RBMS3: variants seen among roughly 807,000 people sequenced by gnomAD.
The protein encoded by RBMS3 is RNA-binding motif, single-stranded-interacting protein 3.
A neutral mutation model predicts 66.8 loss-of-function variants in RBMS3; 27 were observed. The observed-to-expected ratio is 0.40, with a 90% CI of 0.30 to 0.56. The LOEUF (loss-of-function observed/expected upper bound fraction) is 0.56. Ranked by LOEUF, RBMS3 falls within the 20% of genes least tolerant of loss-of-function variation. The pLI is 0.40. For missense variants in RBMS3, 513 were observed against 549.5 expected (o/e 0.93, Z 0.66); for synonymous variants, 188 against 183.0 (o/e 1.03, Z -0.22).
rs181845817 is a variant in RBMS3, at chr3:29,585,005, G to A, written c.308-2109G>A. 2.2e-4 allele frequency among the ~76,000 whole-genome samples: 33 copies of A among 152,190 alleles called. No individual in the cohort carries two copies. In the South Asian group the frequency reaches 3.7e-3, roughly 17 times the overall value. ...TGTCATTTACTTTCAAGGAAGATCT[G>A]CAATTTTGTAATTATATATTCATTT... On this transcript the variant is annotated intron_variant, in intron 3 of 14. Transcript: ENST00000383767.
Position 29,456,465 on chromosome 3 carries a change from G to A in RBMS3, c.248+21550G>A, listed in dbSNP as rs371492871. Among the ~76,000 whole-genome samples, 44 of 152,212 alleles carry A rather than the reference G, an allele frequency of 2.9e-4. No homozygotes were observed. The East Asian group carries it at 6.6e-3, about 23-fold the overall frequency. Reference sequence around the variant, plus strand: ...TTGGCTCAGAATAGAATATGGATACGCATCTTAGTGATGATAATTCACTCC... The same window carrying A: ...TTGGCTCAGAATAGAATATGGATACACATCTTAGTGATGATAATTCACTCC... On this transcript the variant is annotated intron_variant, in intron 2 of 14. Coordinates refer to ENST00000383767, the MANE Select transcript of RBMS3 (RefSeq NM_001003793.3).
At chr3:29,554,218 G>C (rs184413446) in intron 3 of RBMS3, among the ~76,000 whole-genome samples, 1 of 152,168 alleles carries the variant, frequency 6.6e-6, no homozygotes, top group East Asian at 1.9e-4. Context: ...ATTTTCATGT[G>C]ACTAATTTTT....
At chr3:29,337,455 A>G (rs1216480629) in intron 1 of RBMS3, among the ~76,000 whole-genome samples, 1 of 152,046 alleles carries the variant, frequency 6.6e-6, no homozygotes, top group Non-Finnish European at 1.5e-5. Flanking sequence ...CCTAGACAAC[A>G]TAATGAGACC....
intron 4 of RBMS3, among the ~76,000 whole-genome samples, chr3:29,709,534 A>AT (rs1453008294): frequency 2.0e-5 from 3 of 152,128 alleles, no homozygotes; most frequent in African/African-American, 7.2e-5. Flanking sequence ...GGCCTTATGA[A>AT]TTTTTGTCTT....
intron 6 of RBMS3, among the ~76,000 whole-genome samples, chr3:29,789,264 TA>T (rs1183227681): frequency 6.6e-6 from 1 of 152,088 alleles, no homozygotes; most frequent in Non-Finnish European, 1.5e-5. Flanking sequence ...TTATCCTTTT[TA>T]AAAATCTGAA....
chr3:29,588,160 T>C (rs1402058636), intron 4 of RBMS3, among the ~76,000 whole-genome samples: 1 of 152,072 alleles, frequency 6.6e-6, no homozygotes, highest in African/African-American at 2.4e-5. Context: ...GTTTATAACA[T>C]GGATGCTTAT....
At chr3:29,892,262 G>A (rs1384508469) in intron 8 of RBMS3, among the ~76,000 whole-genome samples, 4 of 151,474 alleles carry the variant, frequency 2.6e-5, no homozygotes, top group Admixed American at 1.3e-4. Context: ...CTTAGTTAAC[G>A]TCTCTTAGCC....
intron 2 of RBMS3, among the ~76,000 whole-genome samples, chr3:29,471,885 TA>T (rs1046412273): frequency 6.6e-6 from 1 of 152,092 alleles, no homozygotes; most frequent in Non-Finnish European, 1.5e-5. Flanking sequence ...CAGATGGTTC[TA>T]AATTTAAAAA....
intron 10 of RBMS3, among the ~76,000 whole-genome samples, chr3:29,900,907 C>A (rs1257505131): frequency 6.6e-6 from 1 of 151,690 alleles, no homozygotes; most frequent in African/African-American, 2.4e-5. Flanking sequence ...ACGCAGACAT[C>A]CATTTCCTGA....
chr3:29,303,920 T>C (rs7615875), intron 1 of RBMS3, among the ~76,000 whole-genome samples: 24,279 of 151,504 alleles, frequency 0.16, 2,388 homozygotes, highest in South Asian at 0.23. Context: ...AAGAGAAAAA[T>C]GAGGAAGATG....
intron 4 of RBMS3, among the ~76,000 whole-genome samples, chr3:29,723,057 C>A (rs1380236047): frequency 1.3e-5 from 2 of 152,010 alleles, no homozygotes; most frequent in Non-Finnish European, 2.9e-5. Flanking sequence ...CTCACTGCAA[C>A]CTCCGCCTCC....
intron 3 of RBMS3, among the ~76,000 whole-genome samples, chr3:29,507,397 C>G (rs539049809): frequency 6.6e-6 from 1 of 152,044 alleles, no homozygotes; most frequent in African/African-American, 2.4e-5. Flanking sequence ...AATGGCTAAA[C>G]TCTGGTTAAA....
intron 1 of RBMS3, among the ~76,000 whole-genome samples, chr3:29,382,186 G>A (rs946297941): frequency 1.3e-5 from 2 of 152,124 alleles, no homozygotes; most frequent in Non-Finnish European, 2.9e-5. Flanking sequence ...TGGAATTTTT[G>A]AAAGACGTTT....
At chr3:29,593,659 T>C (rs9855332) in intron 4 of RBMS3, among the ~76,000 whole-genome samples, 22,649 of 152,080 alleles carry the variant, frequency 0.15, 1,936 homozygotes, top group East Asian at 0.32. Flanking sequence ...CTATCATTTG[T>C]TTGTATCCCA....
rs114841051 is a variant in RBMS3 at position 30,001,238 on chromosome 3, C to T, written c.1308-2618C>T. On this transcript the variant is annotated intron_variant, in intron 14 of 14. Coordinates refer to ENST00000383767, the MANE Select transcript of RBMS3 (RefSeq NM_001003793.3). ...GAATATACTGTGACATTTTTCCACA[C>T]TCTGGATCACAGAATCCCACTTTTT... Among the ~76,000 whole-genome samples the T allele has an allele frequency of 4.8e-3, 732 of 152,116 alleles. 4 individuals carry two copies. Among genetic ancestry groups the T allele is most frequent in the African/African-American group, 0.017 (699 of 41,520 alleles).
intron 6 of RBMS3, among the ~76,000 whole-genome samples, chr3:29,832,417 T>C (rs555760304): frequency 1.3e-5 from 2 of 152,314 alleles, no homozygotes; most frequent in African/African-American, 4.8e-5. Context: ...GAGAGTACCT[T>C]TGTGGGAGCC....
chr3:29,814,313 G>T (rs1430380817), intron 6 of RBMS3, among the ~76,000 whole-genome samples: 8 of 152,142 alleles, frequency 5.3e-5, no homozygotes, highest in Admixed American at 1.3e-4. Context: ...AACCAGCCTT[G>T]CATCCCAGGG....
intron 6 of RBMS3, among the ~76,000 whole-genome samples, chr3:29,852,418 CA>C (rs1209512103): frequency 6.6e-6 from 1 of 152,116 alleles, no homozygotes; most frequent in African/African-American, 2.4e-5. Context: ...GTGCATCTGA[CA>C]AAGGTCTAAT....
At chr3:29,876,230 C>T (rs765535538) in intron 7 of RBMS3, among the ~76,000 whole-genome samples, 1 of 152,054 alleles carries the variant, frequency 6.6e-6, no homozygotes, top group African/African-American at 2.4e-5. Context: ...GGTTTGAGCC[C>T]ACATCATCAG....
Sources: allele counts gnomAD v4.1 joint callset (sites outside exome capture counted in the v4.1 genomes callset), GRCh38; gene constraint gnomAD v4.1.1; transcripts MANE v1.5; gene names NCBI Gene and HGNC (gene_info 2026-07-23, HGNC 2026-07-21).